MARK2: variants seen among roughly 807,000 people sequenced by gnomAD.
The protein encoded by MARK2 is serine/threonine-protein kinase MARK2.
MARK2 carries 16 observed loss-of-function variants against 89.8 expected under a neutral mutation model. The ratio of observed to expected loss-of-function variants is 0.18; its 90% CI spans 0.12 to 0.27. MARK2 has a LOEUF of 0.27. MARK2 is among the 10% of genes least tolerant of loss of function. The pLI is 1.00. For missense variants in MARK2, 621 were observed against 1,049.9 expected (o/e 0.59, Z 5.65); for synonymous variants, 382 against 399.5 (o/e 0.96, Z 0.52).
In MARK2 at chr11:63,895,244, A is replaced by T. The variant is rs893834000; in HGVS notation, c.140A>T (p.Gln47Leu). 9.3e-6 allele frequency: 15 copies of T among 1,614,068 alleles called. No homozygotes were observed. Among genetic ancestry groups the T allele is most frequent in the Non-Finnish European group, 1.3e-5 (15 of 1,180,026 alleles). The stretch of plus-strand genomic sequence containing the variant: ...AACTCAGCCACCTCTGCTGATGAGC[A>T]GCCCCACATTGGAAACTACCGGCTC... ...GRNSATSADE[Q>L]PHIGNYRLLK... is the part of the protein sequence containing the mutation. Residue 47 changes from glutamine to leucine, a missense_variant, in exon 2 of 19, where the codon CAG (glutamine) becomes CTG (leucine). Around this residue, in one of 5 missense-constraint regions of MARK2, gnomAD observed 60 missense variants for 73.2 expected, o/e 0.82. Transcript: ENST00000402010.
At chr11:63,848,549 ATTTT>A (rs779169841) in intron 1 of MARK2, among the ~76,000 whole-genome samples, 2 of 123,720 alleles carry the variant, frequency 1.6e-5, no homozygotes, top group Non-Finnish European at 1.7e-5. Flanking sequence ...CACCCGGCTA[ATTTT>A]TTTTTTTTTT....
At chr11:63,842,961 T>C (rs1477280543) in intron 1 of MARK2, among the ~76,000 whole-genome samples, 12 of 151,870 alleles carry the variant, frequency 7.9e-5, no homozygotes, top group Non-Finnish European at 1.6e-4. Context: ...TACAGGGAGA[T>C]TGCCTGTGTG....
intron 1 of MARK2, among the ~76,000 whole-genome samples, chr11:63,851,446 CA>C (rs1317110331): frequency 6.6e-6 from 1 of 152,130 alleles, no homozygotes; most frequent in Non-Finnish European, 1.5e-5. Flanking sequence ...AATAACTCAT[CA>C]GGGGCTATTT....
Position 63,900,481 on chromosome 11 carries a change from T to G in MARK2, c.769-78T>G. On this transcript the variant is annotated intron_variant, in intron 8 of 18. Coordinates refer to ENST00000402010, the MANE Select transcript of MARK2 (RefSeq NM_001039469.3). The surrounding 1 kb of genome is among the most constrained non-coding windows in gnomAD (Gnocchi z 4.7). ...TATGTCTGCTTTGCCAGGCTTAAGC[T>G]CTCAGGATCTTGGATATTAGGTTTC... The G allele has an allele frequency of 6.6e-7, 1 of 1,523,290 alleles. No individual in the cohort carries two copies. Among genetic ancestry groups the G allele is most frequent in the South Asian group, 1.2e-5 (1 of 84,410 alleles). 94.4% of individuals were successfully genotyped at this position (1,523,290 alleles called of 1,614,324 possible). A position where few individuals can be genotyped will look rare whatever the true frequency, so the allele number is the denominator to read the frequency against.
chr11:63,863,266 A>G (rs1245824538), intron 1 of MARK2, among the ~76,000 whole-genome samples: 1 of 152,102 alleles, frequency 6.6e-6, no homozygotes, highest in Non-Finnish European at 1.5e-5. Flanking sequence ...AGGCATCTAG[A>G]TATTCTAGAC....
chr11:63,910,122 A>C lies in MARK2; in HGVS notation c.*885A>C, dbSNP rs1007556900. 3.9e-5 allele frequency: 6 copies of C among 152,294 alleles called. No individual in the cohort carries two copies. Among genetic ancestry groups the C allele is most frequent in the African/African-American group, 1.2e-4 (5 of 41,446 alleles). The allele number at this position is 152,294 out of a possible 1,614,324, so 9.4% of individuals were successfully genotyped here. A position where few individuals can be genotyped will look rare whatever the true frequency, so the allele number is the denominator to read the frequency against. On this transcript the variant is annotated 3_prime_UTR_variant, in exon 19 of 19. Transcript: ENST00000402010. ...AGGGCAGACTGGCTTCTCGGTCCCC[A>C]GGGGGCCGCTTGGGCTGTTGGTCTC...
intron 1 of MARK2, among the ~76,000 whole-genome samples, chr11:63,852,499 T>A (rs1445514648): frequency 2.0e-5 from 3 of 151,794 alleles, no homozygotes; most frequent in Non-Finnish European, 4.4e-5. Context: ...TAGAAAAAAA[T>A]TTATATTATT....
intron 1 of MARK2, among the ~76,000 whole-genome samples, chr11:63,876,205 G>T (rs1426247781): frequency 1.3e-5 from 2 of 152,018 alleles, no homozygotes; most frequent in Non-Finnish European, 2.9e-5. Context: ...TTCAAGCCAT[G>T]TGTGTAGATG....
chr11:63,906,968 G>A (rs1436179556), intron 17 of MARK2, among the ~76,000 whole-genome samples: 4 of 152,226 alleles, frequency 2.6e-5, no homozygotes, highest in East Asian at 1.9e-4. Flanking sequence ...ACCCCAAGCC[G>A]TAGCAAAACA....
intron 1 of MARK2, chr11:63,890,182 T>G: frequency 7.9e-7 from 1 of 1,269,242 alleles, no homozygotes; most frequent in Non-Finnish European, 1.0e-6. Flanking sequence ...GGAGACTCTC[T>G]CCTCTCTTTT....
chr11:63,886,230 G>A (rs1939391605), intron 1 of MARK2, among the ~76,000 whole-genome samples: 1 of 151,506 alleles, frequency 6.6e-6, no homozygotes, highest in African/African-American at 2.4e-5. Flanking sequence ...GGACTGAAAC[G>A]ATTATCCTGC....
chr11:63,884,264 C>T (rs1402191509), intron 1 of MARK2, among the ~76,000 whole-genome samples: 1 of 152,258 alleles, frequency 6.6e-6, no homozygotes, highest in Non-Finnish European at 1.5e-5. Flanking sequence ...AATCTAGTTT[C>T]AAGAGGAGCC....
chr11:63,869,864 G>A (rs1938349806), intron 1 of MARK2, among the ~76,000 whole-genome samples: 4 of 152,194 alleles, frequency 2.6e-5, no homozygotes, highest in Admixed American at 2.6e-4. Context: ...TCTTGAAGAG[G>A]GCTGGAAGGC....
chr11:63,861,609 T>G (rs1179582836), intron 1 of MARK2, among the ~76,000 whole-genome samples: 1 of 152,182 alleles, frequency 6.6e-6, no homozygotes, highest in Admixed American at 6.5e-5. Context: ...AGGCAGGGTC[T>G]CCTCATTTTT....
chr11:63,903,114 G>A lies in MARK2; in HGVS notation c.1470G>A (p.Glu490=). ...TNRSRNSPLL[E]RASLGQASIQ... The stretch of plus-strand genomic sequence containing the variant: ...GAAGCAGGAATTCCCCACTTTTGGA[G>A]CGGGCCAGCCTCGGCCAGGCCTCCA... Residue 490 remains glutamate, a synonymous_variant, in exon 14 of 19, where the codon GAG becomes GAA. Transcript: ENST00000402010. This position sits in a 1 kb window ranked among gnomAD's most constrained non-coding sequence, Gnocchi z 5.1. 6.2e-7 allele frequency: 1 copy of A among 1,614,036 alleles called. No homozygotes were observed.
At chr11:63,908,163 T>C in intron 17 of MARK2, 97 bp from the exon 18 acceptor site, 5 of 1,133,316 alleles carry the variant, frequency 4.4e-6, no homozygotes, top group South Asian at 4.0e-5. Flanking sequence ...GCCCACCCAC[T>C]GGTGGCACCT....
In MARK2 at chr11:63,902,099, TTG is replaced by T; in HGVS notation, c.1102-98_1102-97del. The T allele has an allele frequency of 1.5e-6, 2 of 1,332,580 alleles. No homozygotes were observed. The highest frequency in any genetic ancestry group is 1.0e-6 in the Non-Finnish European group (1 of 956,536). The allele number at this position is 1,332,580 out of a possible 1,614,324, so 82.5% of individuals were successfully genotyped here. A position where few individuals can be genotyped will look rare whatever the true frequency, so the allele number is the denominator to read the frequency against. ...GATGTCCGGTATGATCCTGGGGTGT[TTG>T]AGTGTTGGGAGAGGGCGGTATGTGT... On this transcript the variant is annotated intron_variant, in intron 11 of 18. Coordinates refer to ENST00000402010, the MANE Select transcript of MARK2 (RefSeq NM_001039469.3). The surrounding 1 kb of genome is among the most constrained non-coding windows in gnomAD (Gnocchi z 4.2).
In MARK2 at chr11:63,902,700, G is replaced by A. The variant is rs1309620304; in HGVS notation, c.1334G>A (p.Arg445Gln). Residue 445 changes from arginine (R) to glutamine (Q), a missense_variant, in exon 13 of 19, where the codon CGG (arginine) becomes CAG (glutamine). This residue lies in a region of MARK2 where 397 missense variants were observed against 567.8 expected (regional missense o/e 0.70). Transcript: ENST00000402010. This position sits in a 1 kb window ranked among gnomAD's most constrained non-coding sequence, Gnocchi z 4.2. ...KRPEEDRESG[R>Q]KASSTAKVPA... ...CCTGAGGAGGACCGGGAGTCAGGGC[G>A]GAAAGCCAGCAGCACAGCCAAGGTG... 23 of 1,614,008 alleles carry A rather than the reference G, an allele frequency of 1.4e-5. No homozygotes were observed. The highest frequency in any genetic ancestry group is 1.9e-5 in the Non-Finnish European group (22 of 1,180,018).
At chr11:63,888,969 G>C (rs1415861576) in intron 1 of MARK2, 1 of 1,351,390 alleles carries the variant, frequency 7.4e-7, no homozygotes, top group Non-Finnish European at 9.8e-7. Context: ...AGTCGGGTAT[G>C]TTGTCCCCCT....
Sources: allele counts gnomAD v4.1 joint callset (sites outside exome capture counted in the v4.1 genomes callset), GRCh38; gene constraint gnomAD v4.1.1; regional missense constraint gnomAD v4.1.1; non-coding constraint Gnocchi (gnomAD v3.1); transcripts MANE v1.5; gene names NCBI Gene and HGNC (gene_info 2026-07-23, HGNC 2026-07-21).